Variants in MTA3 observed in about 807,000 individuals in gnomAD.
MTA3 encodes the protein metastasis-associated protein MTA3.
MTA3 carries 34 observed loss-of-function variants against 83.5 expected under a neutral mutation model. The ratio of observed to expected loss-of-function variants is 0.41; its 90% confidence interval spans 0.31 to 0.54. The LOEUF is 0.54. Among genes scored for constraint, MTA3 ranks in the 20% least tolerant of loss-of-function variants. The pLI, the probability that MTA3 is intolerant of heterozygous loss-of-function variation, is 0.33. For synonymous variants in MTA3, 303 were observed against 252.7 expected, an observed-to-expected ratio of 1.20 and a Z score of -1.89; for missense variants, 761 against 726.4, an observed-to-expected ratio of 1.05 and a Z score of -0.55.
At chr2:42,524,505 T>C (rs1162546645) in intron 2 of MTA3, among the ~76,000 whole-genome samples, 16 of 148,162 alleles carry the variant, frequency 1.1e-4, no homozygotes, top group Non-Finnish European at 4.5e-5. Flanking sequence ...TTGTATTTTT[T>C]AGTAGAGATG....
At chr2:42,727,914 T>C (rs1195874856) in intron 16 of MTA3, among the ~76,000 whole-genome samples, 1 of 152,202 alleles carries the variant, frequency 6.6e-6, no homozygotes, top group Non-Finnish European at 1.5e-5. Flanking sequence ...GGTAAATGGG[T>C]TATCCATTAC....
chr2:42,701,216 C>T (rs1291635611), intron 11 of MTA3, among the ~76,000 whole-genome samples: 2 of 147,468 alleles, frequency 1.4e-5, no homozygotes, highest in Non-Finnish European at 3.0e-5. Context: ...GTGGGAGGAT[C>T]ACCTGAGCCT....
chr2:42,588,933 TG>T (rs1221640083), intron 3 of MTA3, among the ~76,000 whole-genome samples: 1 of 152,140 alleles, frequency 6.6e-6, no homozygotes, highest in Non-Finnish European at 1.5e-5. Flanking sequence ...ACAGGGAGGC[TG>T]TCTGTTAGGT....
chr2:42,660,416 A>G (rs1413766560), intron 8 of MTA3, among the ~76,000 whole-genome samples: 1 of 152,204 alleles, frequency 6.6e-6, no homozygotes, highest in Non-Finnish European at 1.5e-5. Context: ...TAATTTTATT[A>G]CATTATAGTT....
intron 16 of MTA3, 118 bp downstream of exon 16, chr2:42,723,153 A>G (rs1364441127): frequency 1.6e-6 from 2 of 1,251,432 alleles, no homozygotes; most frequent in Non-Finnish European, 2.2e-6. Context: ...TGATTGAAGT[A>G]TGTGGTTGAG....
chr2:42,635,850 CCTT>C, intron 4 of MTA3, among the ~76,000 whole-genome samples: 1 of 152,128 alleles, frequency 6.6e-6, no homozygotes, highest in South Asian at 2.1e-4. Context: ...CACTGCACCT[CCTT>C]CTCCCAGGTT....
At chr2:42,695,073 C>T (rs1450912767) in intron 9 of MTA3, among the ~76,000 whole-genome samples, 1 of 152,140 alleles carries the variant, frequency 6.6e-6, no homozygotes, top group East Asian at 1.9e-4. Context: ...GAGGTTGAGA[C>T]TGCAGTGAGC....
intron 9 of MTA3, among the ~76,000 whole-genome samples, chr2:42,687,956 C>A (rs139320205): frequency 4.8e-4 from 73 of 152,324 alleles, no homozygotes; most frequent in East Asian, 4.0e-3. Context: ...AACATGCATA[C>A]CATCAGGGTC....
intron 6 of MTA3, among the ~76,000 whole-genome samples, chr2:42,651,427 A>G (rs1688705807): frequency 6.6e-6 from 1 of 152,156 alleles, no homozygotes; most frequent in African/African-American, 2.4e-5. Context: ...AAATATAAAC[A>G]CTGTGAGACT....
intron 3 of MTA3, among the ~76,000 whole-genome samples, chr2:42,605,854 C>T (rs1184436317): frequency 7.5e-6 from 1 of 133,406 alleles, no homozygotes; most frequent in Non-Finnish European, 1.6e-5. Flanking sequence ...ACCCCCCCAC[C>T]TCCCTCCTGG....
At chr2:42,501,833 A>G (rs1025194975) in intron 2 of MTA3, among the ~76,000 whole-genome samples, 1 of 151,966 alleles carries the variant, frequency 6.6e-6, no homozygotes, top group South Asian at 2.1e-4. Flanking sequence ...CAAAAATTAG[A>G]TGGGCCTGGT....
At chr2:42,509,795 A>C (rs959929403) in intron 2 of MTA3, among the ~76,000 whole-genome samples, 1 of 152,070 alleles carries the variant, frequency 6.6e-6, no homozygotes, top group Non-Finnish European at 1.5e-5. Flanking sequence ...AAACAAAAAA[A>C]AGTAAAATAA....
chr2:42,715,926 A>G (rs745650319), intron 14 of MTA3, among the ~76,000 whole-genome samples: 1 of 152,176 alleles, frequency 6.6e-6, no homozygotes, highest in Non-Finnish European at 1.5e-5. Flanking sequence ...AAGAAAGAAA[A>G]ATTTATCTTG....
chr2:42,513,715 A>G (rs995144316), intron 2 of MTA3, among the ~76,000 whole-genome samples: 3 of 152,230 alleles, frequency 2.0e-5, no homozygotes, highest in Non-Finnish European at 2.9e-5. Context: ...CCTGAAGCCC[A>G]GAGTGCTGGA....
intron 2 of MTA3, among the ~76,000 whole-genome samples, chr2:42,533,831 CAAAAAA>C (rs11362156): frequency 1.7e-5 from 2 of 114,920 alleles, no homozygotes; most frequent in African/African-American, 3.3e-5. Flanking sequence ...GACTCCGTCT[CAAAAAA>C]AAAAAAAAAA....
intron 9 of MTA3, among the ~76,000 whole-genome samples, chr2:42,692,110 T>G (rs976459710): frequency 6.6e-6 from 1 of 152,202 alleles, no homozygotes; most frequent in East Asian, 1.9e-4. Flanking sequence ...ATTTGCTCTT[T>G]CAAGGCTATT....
chr2:42,594,744 T>TTTTTTTTTG (rs1681548619), intron 3 of MTA3, among the ~76,000 whole-genome samples: 1 of 47,202 alleles, frequency 2.1e-5, no homozygotes, highest in Non-Finnish European at 3.9e-5. Context: ...TTTTTTTTTT[T>TTTTTTTTTG]GAGACAGAGT....
chr2:42,677,047 A>G (rs1691427153), intron 8 of MTA3, among the ~76,000 whole-genome samples: 1 of 152,170 alleles, frequency 6.6e-6, no homozygotes, highest in South Asian at 2.1e-4. Flanking sequence ...ACTGAATCAG[A>G]CTTTTTTTTC....
At chr2:42,504,379 A>G (rs931258736) in intron 2 of MTA3, among the ~76,000 whole-genome samples, 1 of 152,036 alleles carries the variant, frequency 6.6e-6, no homozygotes, top group African/African-American at 2.4e-5. Context: ...AGCTGGGATT[A>G]CAGGCATGCA....
Sources: gnomAD v4.1 joint callset for allele counts (sites outside exome capture counted in the v4.1 genomes callset) on GRCh38, gnomAD v4.1.1 for gene constraint, MANE v1.5 for transcripts, NCBI Gene and HGNC (gene_info 2026-07-23, HGNC 2026-07-21) for gene names.